The following FAM168A variants were observed in gnomAD, a reference collection of about 807,000 sequenced individuals.
FAM168A encodes protein FAM168A.
FAM168A carries 3 observed loss-of-function variants against 28.5 expected under a neutral mutation model. That is an observed-to-expected ratio of 0.11 (90% CI 0.05 to 0.27). The LOEUF is 0.27. FAM168A is among the 10% of genes least tolerant of loss of function. The pLI, the probability that FAM168A is intolerant of heterozygous loss-of-function variation, is 1.00. For missense variants in FAM168A, 222 were observed against 311.5 expected (o/e 0.71, Z 2.16); for synonymous variants, 122 against 124.2 (o/e 0.98, Z 0.12).
At chr11:73,441,986 TTC>T (rs1382921789) in intron 2 of FAM168A, among the ~76,000 whole-genome samples, 1 of 152,192 alleles carries the variant, frequency 6.6e-6, no homozygotes. Flanking sequence ...TTTATTGATT[TTC>T]TCTGTTTTTC....
At chr11:73,444,133 C>A (rs919351448) in intron 2 of FAM168A, among the ~76,000 whole-genome samples, 3 of 152,174 alleles carry the variant, frequency 2.0e-5, no homozygotes, top group South Asian at 4.1e-4. Context: ...TTTACCTAAT[C>A]CTCATGAACA....
intron 2 of FAM168A, among the ~76,000 whole-genome samples, chr11:73,459,879 A>ATT (rs918564469): frequency 0.12 from 12,453 of 108,284 alleles, 1,119 homozygotes; most frequent in African/African-American, 0.2. Flanking sequence ...ATCCAAATGA[A>ATT]TTTTTTTTTT....
chr11:73,582,978 G>C (rs75913105), intron 1 of FAM168A, among the ~76,000 whole-genome samples: 8,628 of 152,198 alleles, frequency 0.057, 843 homozygotes, highest in African/African-American at 0.2. Context: ...CAGGGAGCAA[G>C]GGGCAACAAC....
rs562088461 is a variant in FAM168A at position 73,512,917 on chromosome 11, C to G, written c.-18-44425G>C. Among the ~76,000 whole-genome samples, 23 of 152,210 alleles carry G rather than the reference C, an allele frequency of 1.5e-4. 1 individual carries two copies. In the South Asian group the frequency reaches 3.9e-3, roughly 26 times the overall value. On this transcript the variant is annotated intron_variant, in intron 1 of 7. Transcript: ENST00000356467. ...CCCATTTATTAATTTAATCCCTGAC[C>G]TCAAGGCATTCAGTATAAAACATGG...
In FAM168A at chr11:73,546,295, G is replaced by A. The variant is rs957911032; in HGVS notation, c.-19+51628C>T. ...TCCCAAGTTCACCTATGTGGGGGGC[G>A]GGAAGTGGGGAGAAAAAAGTATAGA... On this transcript the variant is annotated intron_variant, in intron 1 of 7. Coordinates refer to ENST00000356467, the MANE Select transcript of FAM168A (RefSeq NM_015159.3). 3.3e-5 allele frequency among the ~76,000 whole-genome samples: 5 copies of A among 152,328 alleles called. No homozygotes were observed. In the South Asian group the frequency reaches 1.0e-3, roughly 32 times the overall value.
intron 2 of FAM168A, among the ~76,000 whole-genome samples, chr11:73,444,856 T>C (rs765826876): frequency 6.6e-6 from 1 of 152,224 alleles, no homozygotes; most frequent in Non-Finnish European, 1.5e-5. Context: ...AAAACAGATA[T>C]ACAATTATTA....
chr11:73,529,448 C>G (rs1943489268), intron 1 of FAM168A, among the ~76,000 whole-genome samples: 1 of 152,212 alleles, frequency 6.6e-6, no homozygotes, highest in Non-Finnish European at 1.5e-5. Context: ...ATGTTTGTCT[C>G]TTTGCCCTTC....
At chr11:73,550,353 A>G (rs1943810683) in intron 1 of FAM168A, among the ~76,000 whole-genome samples, 2 of 152,198 alleles carry the variant, frequency 1.3e-5, no homozygotes, top group African/African-American at 4.8e-5. Context: ...ATCCCAATTA[A>G]GTTTTAAAGG....
At chr11:73,428,997 T>C (rs1319400674) in intron 3 of FAM168A, among the ~76,000 whole-genome samples, 3 of 152,136 alleles carry the variant, frequency 2.0e-5, no homozygotes, top group Admixed American at 2.0e-4. Flanking sequence ...AAAATAGCTC[T>C]TGTTTGTCCA....
intron 6 of FAM168A, among the ~76,000 whole-genome samples, chr11:73,408,364 T>C (rs577421972): frequency 1.3e-5 from 2 of 152,292 alleles, no homozygotes; most frequent in African/African-American, 4.8e-5. Context: ...GTTTGCCAAC[T>C]TGATCTGAGG....
chr11:73,407,654 A>G lies in FAM168A; in HGVS notation c.596-11T>C, dbSNP rs1257363348. 3.7e-6 allele frequency: 6 copies of G among 1,603,396 alleles called. No individual in the cohort carries two copies. Among genetic ancestry groups the G allele is most frequent in the Non-Finnish European group, 4.3e-6 (5 of 1,173,042 alleles). ...TAGTCAGCAGGGTACCTGAGCATCC[A>G]GAGAGAGAAGAGTAACCTGACGAGG... is the stretch of plus-strand genomic sequence containing the variant. On this transcript the variant is annotated splice_polypyrimidine_tract_variant and intron_variant, in intron 6 of 7. Transcript: ENST00000356467.
At chr11:73,518,422 T>C (rs899964737) in intron 1 of FAM168A, among the ~76,000 whole-genome samples, 4 of 151,812 alleles carry the variant, frequency 2.6e-5, no homozygotes, top group African/African-American at 9.7e-5. Flanking sequence ...AATTAAAATA[T>C]TTTCATATTA....
Position 73,416,849 on chromosome 11 carries a change from G to A in FAM168A, c.277+3025C>T, listed in dbSNP as rs773511883. On this transcript the variant is annotated intron_variant, in intron 4 of 7. Transcript: ENST00000356467. ...TGGTCCCAGCTACATGGGAGGCTGC[G>A]GAGGGAGGATTGCTTGAGCCTAGGA... 4.6e-5 allele frequency among the ~76,000 whole-genome samples: 7 copies of A among 152,100 alleles called. No individual in the cohort carries two copies. In the South Asian group the frequency reaches 8.3e-4, roughly 18 times the overall value.
intron 1 of FAM168A, among the ~76,000 whole-genome samples, chr11:73,536,597 G>A (rs191980139): frequency 9.1e-4 from 139 of 152,218 alleles, no homozygotes; most frequent in African/African-American, 3.2e-3. Context: ...TGAGGCAGGA[G>A]AATCGCTTGA....
chr11:73,506,078 G>C (rs1364787926), intron 1 of FAM168A, among the ~76,000 whole-genome samples: 1 of 152,082 alleles, frequency 6.6e-6, no homozygotes, highest in African/African-American at 2.4e-5. Context: ...CACTTCCTAA[G>C]AAGTTCCACA....
intron 1 of FAM168A, among the ~76,000 whole-genome samples, chr11:73,519,976 A>AT (rs982380226): frequency 5.3e-5 from 8 of 152,006 alleles, no homozygotes; most frequent in Non-Finnish European, 1.0e-4. Flanking sequence ...TTTTGAAGCA[A>AT]TATTGTTGGG....
chr11:73,581,333 A>T (rs1006712696), intron 1 of FAM168A, among the ~76,000 whole-genome samples: 1 of 152,202 alleles, frequency 6.6e-6, no homozygotes, highest in Non-Finnish European at 1.5e-5. Flanking sequence ...TTTGGCTTGG[A>T]AAAAAACAGA....
intron 2 of FAM168A, among the ~76,000 whole-genome samples, chr11:73,464,256 C>T (rs368868669): frequency 7.1e-6 from 1 of 140,252 alleles, no homozygotes; most frequent in Admixed American, 7.2e-5. Context: ...AAACAAAGTA[C>T]AAATGTCAGT....
At chr11:73,584,122 T>C (rs1944280724) in intron 1 of FAM168A, among the ~76,000 whole-genome samples, 1 of 152,134 alleles carries the variant, frequency 6.6e-6, no homozygotes, top group Non-Finnish European at 1.5e-5. Context: ...ACCTCCTCAA[T>C]GATGATTGAT....
Sources: allele counts gnomAD v4.1 joint callset (sites outside exome capture counted in the v4.1 genomes callset), GRCh38; gene constraint gnomAD v4.1.1; transcripts MANE v1.5; gene names NCBI Gene and HGNC (gene_info 2026-07-23, HGNC 2026-07-21).